The following AOAH variants were observed in gnomAD, a reference collection of about 807,000 sequenced individuals.
AOAH encodes the protein acyloxyacyl hydrolase, also known as acyloxyacyl hydrolase (neutrophil).
A neutral mutation model predicts 92.2 loss-of-function variants in AOAH; 64 were observed. The observed-to-expected ratio is 0.69, with a 90% CI of 0.57 to 0.86. AOAH has a LOEUF of 0.86. Among genes scored for constraint, AOAH ranks in the 40% least tolerant of loss-of-function variants. The pLI is 0.00. For synonymous variants in AOAH, 263 were observed against 254.5 expected (o/e 1.03, Z -0.32); for missense variants, 656 against 694.6 (o/e 0.94, Z 0.62).
At chr7:36,611,832 G>A (rs552503232) in intron 11 of AOAH, among the ~76,000 whole-genome samples, 5 of 152,188 alleles carry the variant, frequency 3.3e-5, no homozygotes, top group Admixed American at 6.5e-5. Context: ...TTAGCTCATT[G>A]AAGCACACGG....
intron 4 of AOAH, among the ~76,000 whole-genome samples, 160 bp from the exon 5 acceptor site, chr7:36,638,070 T>C (rs1250583298): frequency 6.6e-6 from 1 of 152,250 alleles, no homozygotes; most frequent in Non-Finnish European, 1.5e-5. Context: ...TTCACATTAA[T>C]AGCTCTTTTT....
At chr7:36,682,178 C>T (rs1020966452) in intron 2 of AOAH, among the ~76,000 whole-genome samples, 1 of 152,244 alleles carries the variant, frequency 6.6e-6, no homozygotes, top group Non-Finnish European at 1.5e-5. Context: ...CCACAAGGGA[C>T]CCACTGGAGC....
intron 20 of AOAH, among the ~76,000 whole-genome samples, chr7:36,517,946 CACACACACA>C (rs1357384432): frequency 2.1e-3 from 81 of 39,424 alleles, no homozygotes; most frequent in African/African-American, 0.013. Context: ...CACACACACC[CACACACACA>C]CACACACACA....
intron 11 of AOAH, among the ~76,000 whole-genome samples, chr7:36,601,685 G>T (rs1332134851): frequency 6.6e-6 from 1 of 152,188 alleles, no homozygotes; most frequent in African/African-American, 2.4e-5. Flanking sequence ...AGCATTAAGG[G>T]CAGTCCAGAG....
chr7:36,641,225 T>G (rs1793884827), intron 4 of AOAH, among the ~76,000 whole-genome samples: 1 of 152,278 alleles, frequency 6.6e-6, no homozygotes, highest in Middle Eastern at 3.4e-3. Context: ...CATGCATGGC[T>G]TTCTTGTTTA....
intron 15 of AOAH, among the ~76,000 whole-genome samples, chr7:36,545,907 G>T (rs369138196): frequency 2.6e-5 from 4 of 152,200 alleles, no homozygotes; most frequent in Admixed American, 6.5e-5. Context: ...CCACCCCAAG[G>T]TTCTGCTGCT....
chr7:36,659,730 T>C (rs989525886), intron 3 of AOAH, among the ~76,000 whole-genome samples: 1 of 151,920 alleles, frequency 6.6e-6, no homozygotes, highest in Non-Finnish European at 1.5e-5. Flanking sequence ...TTCTATTCCC[T>C]TATAAACATA....
chr7:36,612,298 TCATA>T (rs565760943), intron 11 of AOAH, among the ~76,000 whole-genome samples: 9 of 152,354 alleles, frequency 5.9e-5, no homozygotes, highest in African/African-American at 2.2e-4. Flanking sequence ...CAAAATTGGC[TCATA>T]CATACTATTT....
In AOAH at chr7:36,532,344, C is replaced by T; in HGVS notation, c.1307G>A (p.Gly436Asp). The T allele has an allele frequency of 1.2e-6, 2 of 1,613,558 alleles. No individual in the cohort carries two copies. The highest frequency in any genetic ancestry group is 1.7e-6 in the Non-Finnish European group (2 of 1,180,020). The change falls in exon 17 of 21, where the codon GGC (glycine) becomes GAC (aspartate). Residue 436 changes from glycine to aspartate, a missense_variant and splice_region_variant. Physicochemically the swap from Gly to Asp is moderately conservative, Grantham distance 94. Transcript: ENST00000617537. ...DNLHNRYHPLGQLNKDMTYAQ... is the reference protein window; with the variant it reads ...DNLHNRYHPLDQLNKDMTYAQ... The stretch of plus-strand genomic sequence containing the variant: ...ATAGGTCATGTCTTTATTTAGCTGG[C>T]CTGGAAAACAGAGAGGTCTGGTAGA...
intron 3 of AOAH, among the ~76,000 whole-genome samples, chr7:36,665,000 C>T (rs1795453012): frequency 6.6e-6 from 1 of 152,218 alleles, no homozygotes. Flanking sequence ...ACACTAAACC[C>T]TTCATGAGGA....
intron 19 of AOAH, among the ~76,000 whole-genome samples, chr7:36,525,125 T>A (rs1319319773): frequency 6.6e-6 from 1 of 152,196 alleles, no homozygotes; most frequent in Non-Finnish European, 1.5e-5. Flanking sequence ...TGGGGTCATC[T>A]GATGCAGTGG....
At chr7:36,534,023 C>A (rs535949695) in intron 16 of AOAH, among the ~76,000 whole-genome samples, 1 of 152,098 alleles carries the variant, frequency 6.6e-6, no homozygotes, top group African/African-American at 2.4e-5. Context: ...CCCTGAGGGG[C>A]GGCATCTCTC....
chr7:36,673,846 C>T (rs948306284), intron 3 of AOAH, 97 bp downstream of exon 3: 28 of 782,010 alleles, frequency 3.6e-5, no homozygotes, highest in African/African-American at 2.5e-4. Context: ...GTCCAGAAAG[C>T]GCATCATGCT....
intron 4 of AOAH, among the ~76,000 whole-genome samples, chr7:36,641,645 C>T (rs1267379893): frequency 6.6e-6 from 1 of 152,160 alleles, no homozygotes; most frequent in Non-Finnish European, 1.5e-5. Context: ...TCGGGCCGAG[C>T]TTTCCTTTTC....
intron 16 of AOAH, among the ~76,000 whole-genome samples, chr7:36,537,269 T>A (rs1379099308): frequency 3.3e-5 from 5 of 151,966 alleles, no homozygotes; most frequent in African/African-American, 4.8e-5. Context: ...TACTGATGTT[T>A]CTGTAGAACA....
rs1799833158 is a variant in AOAH at position 36,724,192 on chromosome 7, C to G, written c.-44G>C. ...AAGTGATCACCCGGCTTTGGAAGCT[C>G]CCAACTGAGGGATGCTGGAGCTGAG... On this transcript the variant is annotated 5_prime_UTR_variant, in exon 1 of 21. Transcript: ENST00000617537. 6.2e-7 allele frequency: 1 copy of G among 1,606,702 alleles called. No homozygotes were observed. The highest frequency in any genetic ancestry group is 1.3e-5 in the African/African-American group (1 of 74,670).
chr7:36,667,652 T>C (rs1042340159), intron 3 of AOAH, among the ~76,000 whole-genome samples: 1 of 152,248 alleles, frequency 6.6e-6, no homozygotes, highest in African/African-American at 2.4e-5. Flanking sequence ...TAGAGGGATG[T>C]TGAAGTCTCC....
intron 4 of AOAH, among the ~76,000 whole-genome samples, chr7:36,641,482 G>A (rs1341238736): frequency 6.6e-6 from 1 of 152,110 alleles, no homozygotes; most frequent in Non-Finnish European, 1.5e-5. Flanking sequence ...AGGGCATGTA[G>A]GCAACAAGTG....
intron 2 of AOAH, among the ~76,000 whole-genome samples, chr7:36,681,126 A>T (rs1796618255): frequency 6.6e-6 from 1 of 152,260 alleles, no homozygotes; most frequent in Non-Finnish European, 1.5e-5. Flanking sequence ...AATGCTGTCT[A>T]TCACACAGAA....
Sources: gnomAD v4.1 joint callset for allele counts (sites outside exome capture counted in the v4.1 genomes callset) on GRCh38, gnomAD v4.1.1 for gene constraint, MANE v1.5 for transcripts, NCBI Gene and HGNC (gene_info 2026-07-23, HGNC 2026-07-21) for gene names.